Variants in CADPS2 observed in about 807,000 individuals in gnomAD.
CADPS2 encodes calcium-dependent secretion activator 2.
In CADPS2, 93 loss-of-function variants were observed where a neutral mutation model predicts 172.5. The observed-to-expected ratio is 0.54, with a 90% CI of 0.46 to 0.64. CADPS2 has a LOEUF of 0.64. Ranked by LOEUF, CADPS2 falls within the 30% of genes least tolerant of loss-of-function variation. CADPS2 has a pLI of 0.00. For synonymous variants in CADPS2, 546 were observed against 555.2 expected, an observed-to-expected ratio of 0.98 and a Z score of 0.23; for missense variants, 1,420 against 1,565.9, an observed-to-expected ratio of 0.91 and a Z score of 1.57.
Position 122,554,255 on chromosome 7 carries a change from A to G in CADPS2, c.1475+295T>C, listed in dbSNP as rs186734733. Reference sequence around the variant, plus strand: ...TTGTAATTTGAAGAATGTTTCTTAGAAGGTATCAGTGCCCTGGTGCCCTGT... The same window carrying G: ...TTGTAATTTGAAGAATGTTTCTTAGGAGGTATCAGTGCCCTGGTGCCCTGT... On this transcript the variant is annotated intron_variant, in intron 8 of 29. Coordinates refer to ENST00000449022, the MANE Select transcript of CADPS2 (RefSeq NM_017954.11). Among the ~76,000 whole-genome samples, 93 of 152,264 alleles carry G rather than the reference A, an allele frequency of 6.1e-4. No homozygotes were observed. The East Asian group carries it at 0.011, about 19-fold the overall frequency.
chr7:122,641,392 C>A (rs899776575), intron 3 of CADPS2, among the ~76,000 whole-genome samples: 12 of 152,238 alleles, frequency 7.9e-5, no homozygotes, highest in African/African-American at 2.6e-4. Flanking sequence ...AGAATTCTCT[C>A]GGTTAGGGAA....
intron 28 of CADPS2, among the ~76,000 whole-genome samples, chr7:122,343,437 C>T (rs1175006781): frequency 6.6e-6 from 1 of 152,156 alleles, no homozygotes. Flanking sequence ...TCCTTAGAGC[C>T]ACTTTAGTTC....
intron 7 of CADPS2, among the ~76,000 whole-genome samples, chr7:122,559,302 T>C (rs1358861809): frequency 1.3e-5 from 2 of 152,098 alleles, no homozygotes; most frequent in Admixed American, 6.6e-5. Flanking sequence ...ATGCTGACAT[T>C]TGTAACATTA....
intron 22 of CADPS2, 56 bp from the exon 23 acceptor site, chr7:122,388,794 T>C (rs2044007160): frequency 1.4e-6 from 2 of 1,440,004 alleles, no homozygotes; most frequent in Admixed American, 2.2e-5. Flanking sequence ...AGGTATACCA[T>C]TAATACATTG....
At chr7:122,498,091 G>C (rs2058896329) in intron 9 of CADPS2, among the ~76,000 whole-genome samples, 2 of 152,130 alleles carry the variant, frequency 1.3e-5, no homozygotes, top group Admixed American at 1.3e-4. Flanking sequence ...GGGATTACAG[G>C]CATTTGCCAC....
At chr7:122,871,600 C>A (rs1416795191) in intron 1 of CADPS2, among the ~76,000 whole-genome samples, 1 of 151,984 alleles carries the variant, frequency 6.6e-6, no homozygotes, top group Non-Finnish European at 1.5e-5. Flanking sequence ...ATACAAAATA[C>A]GGTTTAGGAA....
chr7:122,523,361 C>T lies in CADPS2; in HGVS notation c.1476-10046G>A, dbSNP rs557338830. ...TTTCAATAAATATAAGCCAAATAAC[C>T]CAACTAAATCAAACTGTGCAGATAA... On this transcript the variant is annotated intron_variant, in intron 8 of 29. Transcript: ENST00000449022. 3.0e-4 allele frequency among the ~76,000 whole-genome samples: 46 copies of T among 151,782 alleles called. 1 individual carries two copies. In the South Asian group the frequency reaches 9.0e-3, roughly 30 times the overall value.
intron 25 of CADPS2, among the ~76,000 whole-genome samples, chr7:122,362,436 T>C (rs755372380): frequency 3.3e-5 from 5 of 152,196 alleles, no homozygotes; most frequent in African/African-American, 1.2e-4. Flanking sequence ...GGGGGTAGGA[T>C]GTGGAATTCA....
intron 3 of CADPS2, among the ~76,000 whole-genome samples, chr7:122,635,883 T>G (rs369960316): frequency 2.0e-5 from 3 of 152,214 alleles, no homozygotes; most frequent in African/African-American, 4.8e-5. Context: ...CTGATTGTTA[T>G]TGGTTTCAAA....
At chr7:122,629,690 T>G (rs978902948) in intron 3 of CADPS2, among the ~76,000 whole-genome samples, 14 of 152,158 alleles carry the variant, frequency 9.2e-5, no homozygotes, top group African/African-American at 3.4e-4. Flanking sequence ...TTTCACTTCT[T>G]TCTTTGTACT....
chr7:122,876,593 G>A (rs949728876), intron 1 of CADPS2, among the ~76,000 whole-genome samples: 1 of 151,938 alleles, frequency 6.6e-6, no homozygotes, highest in African/African-American at 2.4e-5. Flanking sequence ...CAACTCCTGG[G>A]CTTAAGTGAT....
At chr7:122,878,736 AAATT>A (rs1822030346) in intron 1 of CADPS2, among the ~76,000 whole-genome samples, 1 of 152,006 alleles carries the variant, frequency 6.6e-6, no homozygotes, top group South Asian at 2.1e-4. Flanking sequence ...AAAAAGAATT[AAATT>A]AATAAACTTA....
chr7:122,410,567 A>G (rs998229858), intron 19 of CADPS2, among the ~76,000 whole-genome samples: 4 of 152,100 alleles, frequency 2.6e-5, no homozygotes, highest in Non-Finnish European at 5.9e-5. Context: ...TAACGGTCAA[A>G]TCAGTTCACT....
intron 8 of CADPS2, among the ~76,000 whole-genome samples, chr7:122,525,214 G>A (rs1053704907): frequency 1.3e-5 from 2 of 152,078 alleles, no homozygotes; most frequent in Non-Finnish European, 2.9e-5. Flanking sequence ...CTTGGTTCCT[G>A]AAAGGCCTCT....
chr7:122,521,123 T>G (rs553465363), intron 8 of CADPS2, among the ~76,000 whole-genome samples: 40 of 152,196 alleles, frequency 2.6e-4, no homozygotes, highest in African/African-American at 8.9e-4. Context: ...TGGAAAGGGC[T>G]TTCATAAGAG....
intron 9 of CADPS2, among the ~76,000 whole-genome samples, chr7:122,509,757 C>T (rs529789031): frequency 2.0e-5 from 3 of 152,246 alleles, no homozygotes; most frequent in East Asian, 3.9e-4. Context: ...AGTTCCATAA[C>T]CCCTCTGTAT....
intron 1 of CADPS2, among the ~76,000 whole-genome samples, chr7:122,790,367 A>C (rs37897): frequency 0.44 from 65,301 of 148,702 alleles, 16,795 homozygotes; most frequent in African/African-American, 0.72. Flanking sequence ...TCACTGCATG[A>C]CAGCCAAGGG....
chr7:122,759,944 A>G (rs975397331), intron 1 of CADPS2, among the ~76,000 whole-genome samples: 7 of 151,904 alleles, frequency 4.6e-5, no homozygotes, highest in African/African-American at 1.7e-4. Context: ...AAACTAATTC[A>G]GTCACAAATT....
chr7:122,491,288 A>T (rs755265393), intron 10 of CADPS2, 24 bp downstream of exon 10: 1 of 1,478,868 alleles, frequency 6.8e-7, no homozygotes, highest in Non-Finnish European at 9.3e-7. Flanking sequence ...ACATGGCAGG[A>T]AAAGTGATTC....
Sources: gnomAD v4.1 joint callset for allele counts (sites outside exome capture counted in the v4.1 genomes callset) on GRCh38, gnomAD v4.1.1 for gene constraint, MANE v1.5 for transcripts, NCBI Gene and HGNC (gene_info 2026-07-23, HGNC 2026-07-21) for gene names.